HERC1: variants seen among roughly 807,000 people sequenced by gnomAD.
HERC1 encodes probable E3 ubiquitin-protein ligase HERC1.
In HERC1, 160 loss-of-function variants were observed where a neutral mutation model predicts 554.3. That is an observed-to-expected ratio of 0.29 (90% CI 0.25 to 0.33). The LOEUF is 0.33. HERC1 is among the 10% of genes least tolerant of loss of function. The pLI is 1.00. For synonymous variants in HERC1, 2,175 were observed against 2,131.7 expected (o/e 1.02, Z -0.56); for missense variants, 4,919 against 5,918.5 (o/e 0.83, Z 5.54).
intron 2 of HERC1, among the ~76,000 whole-genome samples, chr15:63,768,881 C>T (rs926359104): frequency 1.3e-5 from 2 of 152,114 alleles, no homozygotes; most frequent in Non-Finnish European, 2.9e-5. Context: ...GTTCCCACTA[C>T]ATAGTAAGAT....
intron 34 of HERC1, among the ~76,000 whole-genome samples, chr15:63,683,885 T>A (rs2071609322): frequency 6.6e-6 from 1 of 152,230 alleles, no homozygotes; most frequent in East Asian, 1.9e-4. Flanking sequence ...TCTAATTGCC[T>A]GGACCTGACT....
At chr15:63,729,046 C>A (rs1297243822) in intron 16 of HERC1, among the ~76,000 whole-genome samples, 190 bp downstream of exon 16, 1 of 151,972 alleles carries the variant, frequency 6.6e-6, no homozygotes, top group African/African-American at 2.4e-5. Flanking sequence ...CTCTGTCATG[C>A]CAAGTAGACT....
chr15:63,636,589 A>G (rs2068791533), intron 64 of HERC1, among the ~76,000 whole-genome samples: 1 of 152,160 alleles, frequency 6.6e-6, no homozygotes, highest in Non-Finnish European at 1.5e-5. Flanking sequence ...TTAGTTTTAA[A>G]TTGAATTTGT....
At chr15:63,781,128 A>G (rs1273727891) in intron 1 of HERC1, among the ~76,000 whole-genome samples, 1 of 152,236 alleles carries the variant, frequency 6.6e-6, no homozygotes, top group Admixed American at 6.5e-5. Context: ...AATCACTAAT[A>G]AAACTGTCAC....
At chr15:63,827,226 A>C (rs1207779944) in intron 1 of HERC1, among the ~76,000 whole-genome samples, 1 of 152,140 alleles carries the variant, frequency 6.6e-6, no homozygotes, top group Non-Finnish European at 1.5e-5. Flanking sequence ...GGAATTCGAG[A>C]CCAGCCTGGG....
chr15:63,641,005 T>C (rs1398514832), intron 60 of HERC1, among the ~76,000 whole-genome samples: 1 of 152,224 alleles, frequency 6.6e-6, no homozygotes, highest in Admixed American at 6.5e-5. Flanking sequence ...CATTCCAGTA[T>C]TTAATGACCC....
In HERC1 at chr15:63,729,665, A is replaced by C; in HGVS notation, c.2869-16T>G. The C allele has an allele frequency of 1.9e-6, 3 of 1,612,280 alleles. No homozygotes were observed. The highest frequency in any genetic ancestry group is 2.5e-6 in the Non-Finnish European group (3 of 1,178,628). ...ATGCTTGATCCTAAAATGACACACAAAGGAAGTTTATATTTGAAGTGCTTG... is the reference window on the plus strand; with the variant it reads ...ATGCTTGATCCTAAAATGACACACACAGGAAGTTTATATTTGAAGTGCTTG... On this transcript the variant is annotated splice_polypyrimidine_tract_variant and intron_variant, in intron 14 of 77. Transcript: ENST00000443617.
At chr15:63,645,430 C>G in intron 56 of HERC1, 53 bp downstream of exon 56, 1 of 1,319,024 alleles carries the variant, frequency 7.6e-7, no homozygotes, top group Non-Finnish European at 1.0e-6. Flanking sequence ...ATGCAGATAA[C>G]AGTCTATACC....
At chr15:63,728,454 C>A (rs1236986784) in intron 16 of HERC1, among the ~76,000 whole-genome samples, 3 of 152,144 alleles carry the variant, frequency 2.0e-5, no homozygotes, top group Non-Finnish European at 1.5e-5. Context: ...TGCTGTGGAA[C>A]AGCCAAATGG....
intron 73 of HERC1, 126 bp downstream of exon 73, chr15:63,623,598 TA>T (rs2068178766): frequency 1.1e-6 from 1 of 905,066 alleles, no homozygotes; most frequent in Non-Finnish European, 1.7e-6. Flanking sequence ...AGCATCACTT[TA>T]TATGAGGCTC....
At chr15:63,743,071 T>C (rs1414942903) in intron 12 of HERC1, among the ~76,000 whole-genome samples, 1 of 152,072 alleles carries the variant, frequency 6.6e-6, no homozygotes, top group African/African-American at 2.4e-5. Context: ...CTTCTTTAAA[T>C]ATTTTGTGGA....
chr15:63,743,439 AT>A (rs1312529042), intron 12 of HERC1, among the ~76,000 whole-genome samples: 1 of 150,220 alleles, frequency 6.7e-6, no homozygotes, highest in East Asian at 2.0e-4. Context: ...TTTTTTTTGT[AT>A]TTTTAGTAGA....
chr15:63,641,960 T>C (rs1156750099), intron 59 of HERC1, among the ~76,000 whole-genome samples: 2 of 152,196 alleles, frequency 1.3e-5, no homozygotes, highest in African/African-American at 2.4e-5. Flanking sequence ...TCAAAAGTCA[T>C]GTCTGACATG....
At position 63,634,739 on chromosome 15, in the gene HERC1, A is replaced by C; in HGVS notation, c.12564T>G (p.Ile4188Met). The C allele has an allele frequency of 6.2e-7, 1 of 1,612,430 alleles. No individual in the cohort carries two copies. The highest frequency in any genetic ancestry group is 8.5e-7 in the Non-Finnish European group (1 of 1,179,112). Reference sequence around the variant, plus strand: ...TTATTGATTTATTCCATGCCTGTCCAATCTGATATCCCTCCAGTGCAGTCA... The same window carrying C: ...TTATTGATTTATTCCATGCCTGTCCCATCTGATATCCCTCCAGTGCAGTCA... ...ERVTALEGYQ[I>M]GQVACGLNHT... is the part of the protein sequence containing the mutation. The change falls in exon 66 of 78, where the codon ATT becomes ATG. Residue 4188 changes from isoleucine (I) to methionine (M), a missense_variant. This residue lies in a region of HERC1 where 410 missense variants were observed against 467.0 expected (regional missense o/e 0.88). Coordinates refer to ENST00000443617, the MANE Select transcript of HERC1 (RefSeq NM_003922.4).
At chr15:63,649,010 T>C (rs748545462) in intron 54 of HERC1, among the ~76,000 whole-genome samples, 1 of 152,154 alleles carries the variant, frequency 6.6e-6, no homozygotes, top group Non-Finnish European at 1.5e-5. Flanking sequence ...GACCAGGAAT[T>C]CCCTGCTTCC....
chr15:63,658,777 A>G, intron 47 of HERC1, 59 bp from the exon 48 acceptor site: 1 of 1,351,812 alleles, frequency 7.4e-7, no homozygotes, highest in Non-Finnish European at 1.0e-6. Context: ...CATCTGAACT[A>G]CTAAAAACAT....
At chr15:63,828,318 T>C (rs2078010942) in intron 1 of HERC1, among the ~76,000 whole-genome samples, 1 of 149,614 alleles carries the variant, frequency 6.7e-6, no homozygotes, top group Admixed American at 6.7e-5. Flanking sequence ...AAGGAGAGAG[T>C]GACACTTTTC....
At chr15:63,624,471 C>G in intron 71 of HERC1, 144 bp from the exon 72 acceptor site, 1 of 669,692 alleles carries the variant, frequency 1.5e-6, no homozygotes, top group Non-Finnish European at 2.4e-6. Context: ...CTGTGGTGGG[C>G]GGATCGCTTG....
chr15:63,817,308 A>G (rs2077524428), intron 1 of HERC1, among the ~76,000 whole-genome samples: 1 of 152,212 alleles, frequency 6.6e-6, no homozygotes, highest in Non-Finnish European at 1.5e-5. Flanking sequence ...ATTTTTTGGT[A>G]TGATAATGTT....
Sources: allele counts gnomAD v4.1 joint callset (sites outside exome capture counted in the v4.1 genomes callset), GRCh38; gene constraint gnomAD v4.1.1; regional missense constraint gnomAD v4.1.1; transcripts MANE v1.5; gene names NCBI Gene and HGNC (gene_info 2026-07-23, HGNC 2026-07-21).